Variants in NCOA3 observed in about 807,000 individuals in gnomAD.
NCOA3 encodes the protein CBP-interacting protein.
In NCOA3, 51 loss-of-function variants were observed where a neutral mutation model predicts 158.8. The observed-to-expected ratio is 0.32, with a 90% CI of 0.26 to 0.41. The LOEUF (loss-of-function observed/expected upper bound fraction) is 0.41, where lower values mean the gene tolerates loss of function less well. NCOA3 is among the 10% of genes least tolerant of loss of function. NCOA3 has a pLI of 1.00. For synonymous variants in NCOA3, 537 were observed against 592.4 expected (o/e 0.91, Z 1.36); for missense variants, 1,510 against 1,746.6 (o/e 0.86, Z 2.41).
intron 1 of NCOA3, among the ~76,000 whole-genome samples, chr20:47,543,527 T>C (rs998293439): frequency 1.3e-5 from 2 of 152,028 alleles, no homozygotes; most frequent in Admixed American, 6.6e-5. Context: ...TTTTTTTCCT[T>C]TGGAGAGAGT....
intron 1 of NCOA3, among the ~76,000 whole-genome samples, chr20:47,559,649 G>C (rs112334321): frequency 0.017 from 2,573 of 152,142 alleles, 75 homozygotes; most frequent in African/African-American, 0.059. Flanking sequence ...GGGAGGCCGA[G>C]GTGGGCGGAT....
intron 2 of NCOA3, among the ~76,000 whole-genome samples, chr20:47,608,911 G>C (rs2085998971): frequency 6.6e-6 from 1 of 152,152 alleles, no homozygotes; most frequent in Non-Finnish European, 1.5e-5. Flanking sequence ...TAAATACGGA[G>C]GAGGTCTGAG....
At chr20:47,564,850 A>G (rs2085167103) in intron 1 of NCOA3, among the ~76,000 whole-genome samples, 1 of 152,052 alleles carries the variant, frequency 6.6e-6, no homozygotes, top group Admixed American at 6.6e-5. Context: ...TTTTCTTAGT[A>G]GATTGTCTTT....
In NCOA3 at chr20:47,609,288, C is replaced by T. The variant is rs145654662; in HGVS notation, c.-19-12941C>T. ...TTCCTTTTTCTATGTGGATGACACC[C>T]GATATGTTGAACAGTGACCACTCTT... On this transcript the variant is annotated intron_variant, in intron 2 of 22. Coordinates refer to ENST00000371998, the MANE Select transcript of NCOA3 (RefSeq NM_181659.3). 1.6e-3 allele frequency among the ~76,000 whole-genome samples: 243 copies of T among 152,112 alleles called. 4 individuals are homozygous for T. The East Asian group carries it at 0.038, about 24-fold the overall frequency.
At chr20:47,530,246 T>G (rs550647064) in intron 1 of NCOA3, among the ~76,000 whole-genome samples, 1 of 152,336 alleles carries the variant, frequency 6.6e-6, no homozygotes, top group South Asian at 2.1e-4. Context: ...ATTGTTTTAT[T>G]TCAGTAGATT....
chr20:47,630,766 C>G (rs1245705792), intron 8 of NCOA3: 1 of 152,308 alleles, frequency 6.6e-6, no homozygotes, highest in Non-Finnish European at 1.5e-5. Flanking sequence ...CTGGCCTGGG[C>G]AAGCCTTTTC....
At chr20:47,516,466 A>G (rs2084235784) in intron 1 of NCOA3, among the ~76,000 whole-genome samples, 1 of 152,192 alleles carries the variant, frequency 6.6e-6, no homozygotes, top group Non-Finnish European at 1.5e-5. Context: ...AGACAGAGCA[A>G]GGGTCTAGAC....
At position 47,636,728 on chromosome 20, in the gene NCOA3, A is replaced by G. The variant is rs1269774371; in HGVS notation, c.2342A>G (p.Lys781Arg). 1 of 1,612,824 alleles carries G rather than the reference A, an allele frequency of 6.2e-7. No homozygotes were observed. Among genetic ancestry groups the G allele is most frequent in the Non-Finnish European group, 8.5e-7 (1 of 1,179,082 alleles). Reference sequence around the variant, plus strand: ...ACCATTCCTAGCTCAAGTCAAGAGAAAGACCCTAAAATTAAGACAGAGACA... The same window carrying G: ...ACCATTCCTAGCTCAAGTCAAGAGAGAGACCCTAAAATTAAGACAGAGACA... Reference protein sequence around the residue: ...SSTIPSSSQEKDPKIKTETSE... With the variant: ...SSTIPSSSQERDPKIKTETSE... Residue 781 changes from lysine to arginine, a missense_variant, in exon 12 of 23, where the codon AAA (lysine) becomes AGA (arginine). Lys to Arg is a conservative substitution (Grantham distance 26, BLOSUM62 2). Coordinates refer to ENST00000371998, the MANE Select transcript of NCOA3 (RefSeq NM_181659.3).
intron 2 of NCOA3, among the ~76,000 whole-genome samples, chr20:47,585,647 T>A (rs2085523997): frequency 6.6e-6 from 1 of 152,196 alleles, no homozygotes; most frequent in South Asian, 2.1e-4. Context: ...TTTTTCCTTG[T>A]CTCTACTGCT....
Position 47,649,647 on chromosome 20 carries a change from C to CA in NCOA3, c.3651+539dup, listed in dbSNP as rs1433421414. ...AATGTGCATGAGGCAGATGACCACA[C>CA]AGCAATCCTCTATTGTGATTTGAAA... On this transcript the variant is annotated intron_variant, in intron 19 of 22. Coordinates refer to ENST00000371998, the MANE Select transcript of NCOA3 (RefSeq NM_181659.3). Among the ~76,000 whole-genome samples, 6 of 152,144 alleles carry CA rather than the reference C, an allele frequency of 3.9e-5. No individual in the cohort carries two copies. In the East Asian group the frequency reaches 1.2e-3, roughly 29 times the overall value.
chr20:47,640,812 C>A (rs988348205), intron 16 of NCOA3, among the ~76,000 whole-genome samples: 1 of 151,596 alleles, frequency 6.6e-6, no homozygotes, highest in Non-Finnish European at 1.5e-5. Context: ...GGCGTGAACC[C>A]GGGTGGCGGA....
At chr20:47,585,857 T>A (rs1183903922) in intron 2 of NCOA3, among the ~76,000 whole-genome samples, 1 of 152,092 alleles carries the variant, frequency 6.6e-6, no homozygotes, top group Non-Finnish European at 1.5e-5. Context: ...GCAATTTCCC[T>A]GTAAAATCCC....
chr20:47,629,735 T>C (rs1376035665), intron 8 of NCOA3, among the ~76,000 whole-genome samples: 2 of 152,246 alleles, frequency 1.3e-5, no homozygotes, highest in East Asian at 1.9e-4. Flanking sequence ...AGTGAGTCTT[T>C]CTCTGCACCT....
intron 2 of NCOA3, among the ~76,000 whole-genome samples, chr20:47,590,343 TG>T (rs1318950999): frequency 2.0e-5 from 3 of 152,134 alleles, no homozygotes; most frequent in Non-Finnish European, 2.9e-5. Context: ...TATTTTGAGG[TG>T]GGGTCTCACT....
At chr20:47,583,554 G>A (rs2085487153) in intron 2 of NCOA3, among the ~76,000 whole-genome samples, 1 of 152,126 alleles carries the variant, frequency 6.6e-6, no homozygotes, top group African/African-American at 2.4e-5. Context: ...CTCTTGCCTA[G>A]AAGCCTCACT....
At chr20:47,536,692 TG>T (rs1367520379) in intron 1 of NCOA3, among the ~76,000 whole-genome samples, 2 of 152,218 alleles carry the variant, frequency 1.3e-5, no homozygotes, top group African/African-American at 4.8e-5. Context: ...AGTCTCACTT[TG>T]TTGCCCAGGC....
At chr20:47,560,144 A>G (rs191326500) in intron 1 of NCOA3, among the ~76,000 whole-genome samples, 154 of 152,150 alleles carry the variant, frequency 1.0e-3, no homozygotes, top group African/African-American at 3.6e-3. Context: ...CTGTGGCACA[A>G]TCTTGGCTCA....
chr20:47,595,141 C>T (rs1229786558), intron 2 of NCOA3, among the ~76,000 whole-genome samples: 1 of 149,164 alleles, frequency 6.7e-6, no homozygotes, highest in East Asian at 2.0e-4. Context: ...CTCTGTCACC[C>T]TAGTTGGAGT....
chr20:47,548,152 G>A (rs1487632730), intron 1 of NCOA3, among the ~76,000 whole-genome samples: 1 of 151,882 alleles, frequency 6.6e-6, no homozygotes, highest in Non-Finnish European at 1.5e-5. Flanking sequence ...TTAATATAGA[G>A]GAATTGTGAG....
Sources: allele counts gnomAD v4.1 joint callset (sites outside exome capture counted in the v4.1 genomes callset), GRCh38; gene constraint gnomAD v4.1.1; transcripts MANE v1.5; gene names NCBI Gene and HGNC (gene_info 2026-07-23, HGNC 2026-07-21).